Variants in ASB4 observed in about 807,000 individuals in gnomAD.
The protein encoded by ASB4 is ankyrin repeat and SOCS box protein 4.
Under a neutral mutation model 38.6 loss-of-function variants are expected in ASB4, and 35 were observed. The observed-to-expected ratio is 0.91, with a 90% confidence interval of 0.69 to 1.20. The LOEUF is 1.20. Ranked by LOEUF, ASB4 falls within the 50% of genes most tolerant of loss-of-function variation. The pLI is 0.00. For synonymous variants in ASB4, 195 were observed against 201.3 expected (o/e 0.97, Z 0.26); for missense variants, 557 against 527.2 (o/e 1.06, Z -0.55).
chr7:95,490,708 C>G (rs904105272), intron 1 of ASB4, among the ~76,000 whole-genome samples: 2 of 152,250 alleles, frequency 1.3e-5, no homozygotes, highest in Non-Finnish European at 2.9e-5. Flanking sequence ...ATCCCCTCTT[C>G]CAAAAGAAGG....
intron 1 of ASB4, among the ~76,000 whole-genome samples, chr7:95,479,636 T>C (rs1399595226): frequency 6.6e-6 from 1 of 152,192 alleles, no homozygotes; most frequent in East Asian, 1.9e-4. Flanking sequence ...TGATAAAATA[T>C]GCACTTTATT....
intron 2 of ASB4, among the ~76,000 whole-genome samples, chr7:95,497,647 CA>C (rs1425048101): frequency 6.6e-6 from 1 of 152,102 alleles, no homozygotes; most frequent in Non-Finnish European, 1.5e-5. Flanking sequence ...ACTATCATGC[CA>C]ATCATCTTAA....
chr7:95,513,264 T>G (rs181591125), intron 2 of ASB4, among the ~76,000 whole-genome samples: 4,430 of 141,596 alleles, frequency 0.031, 124 homozygotes, highest in Middle Eastern at 0.061. Context: ...TTTTTTTTTT[T>G]TTTTTTTTTT....
intron 2 of ASB4, among the ~76,000 whole-genome samples, chr7:95,500,032 G>T (rs142852084): frequency 6.6e-6 from 1 of 151,680 alleles, no homozygotes; most frequent in Admixed American, 6.6e-5. Context: ...TTTAAGAAGC[G>T]GGACAAAGTA....
At chr7:95,508,932 A>G (rs1054559772) in intron 2 of ASB4, among the ~76,000 whole-genome samples, 2 of 152,186 alleles carry the variant, frequency 1.3e-5, no homozygotes, top group Non-Finnish European at 2.9e-5. Flanking sequence ...TATGTGAATC[A>G]GTGATTTCTG....
chr7:95,543,626 G>A (rs955585343), downstream of ASB4: 1 of 152,218 alleles, frequency 6.6e-6, no homozygotes, highest in Admixed American at 6.5e-5. Flanking sequence ...AGGCCCTGGG[G>A]TTTGGGAGGG....
intron 2 of ASB4, 38 bp from the exon 3 acceptor site, chr7:95,527,775 A>T: frequency 6.5e-7 from 1 of 1,543,990 alleles, no homozygotes; most frequent in South Asian, 1.2e-5. Context: ...ATGACAAAAC[A>T]TGTTTAAATA....
chr7:95,526,071 C>T (rs879653335), intron 2 of ASB4, among the ~76,000 whole-genome samples: 5 of 152,158 alleles, frequency 3.3e-5, no homozygotes, highest in African/African-American at 4.8e-5. Context: ...CTTTCTAGTA[C>T]TTTCTGGTTT....
intron 2 of ASB4, chr7:95,496,270 C>A (rs1462144140): frequency 2.1e-6 from 1 of 470,410 alleles, no homozygotes; most frequent in Non-Finnish European, 3.8e-6. Flanking sequence ...GAAGTTCATT[C>A]ATTTACTCAT....
At chr7:95,540,554 T>C (rs541372737), downstream of ASB4, among the ~76,000 whole-genome samples, 4 of 152,322 alleles carry the variant, frequency 2.6e-5, no homozygotes, top group South Asian at 2.1e-4. Flanking sequence ...TCATTCTCAC[T>C]GTCCACTAAA....
chr7:95,485,869 G>T, upstream of ASB4: 2 of 954,150 alleles, frequency 2.1e-6, no homozygotes, highest in Admixed American at 2.8e-5. Context: ...CATAACTTTG[G>T]GATAAAATTA....
chr7:95,473,556 C>G (rs1018839163), upstream of ASB4: 1 of 152,032 alleles, frequency 6.6e-6, no homozygotes, highest in African/African-American at 2.4e-5. Context: ...GAGGGAAGCA[C>G]GATTGGTCTC....
intron 3 of ASB4, among the ~76,000 whole-genome samples, chr7:95,532,103 A>G (rs982728678): frequency 3.3e-5 from 5 of 152,192 alleles, no homozygotes; most frequent in Admixed American, 6.5e-5. Context: ...AGATGCTTCA[A>G]AGTGATTTAG....
intron 2 of ASB4, among the ~76,000 whole-genome samples, chr7:95,507,613 G>A (rs1266041368): frequency 1.3e-5 from 2 of 152,216 alleles, no homozygotes; most frequent in Admixed American, 6.5e-5. Context: ...AGACTGTTTT[G>A]CTTGGCAGAG....
At chr7:95,489,447 C>A (rs1361940942) in intron 1 of ASB4, among the ~76,000 whole-genome samples, 1 of 152,194 alleles carries the variant, frequency 6.6e-6, no homozygotes, top group Non-Finnish European at 1.5e-5. Flanking sequence ...AGCACCTAAT[C>A]ATGATTCTTA....
intron 2 of ASB4, among the ~76,000 whole-genome samples, chr7:95,517,140 T>C (rs1249288343): frequency 6.6e-6 from 1 of 152,218 alleles, no homozygotes; most frequent in African/African-American, 2.4e-5. Flanking sequence ...TTATTTGGCT[T>C]TTTCTATTGA....
downstream of ASB4, among the ~76,000 whole-genome samples, chr7:95,544,984 A>G (rs1791013194): frequency 6.6e-6 from 1 of 151,742 alleles, no homozygotes; most frequent in Non-Finnish European, 1.5e-5. Context: ...CACTGTGCCC[A>G]GCCAGATATG....
At chr7:95,536,741 A>C (rs1179063844) in intron 4 of ASB4, among the ~76,000 whole-genome samples, 191 bp downstream of exon 4, 1 of 152,156 alleles carries the variant, frequency 6.6e-6, no homozygotes, top group South Asian at 2.1e-4. Flanking sequence ...GGCATTAAGG[A>C]GTGTCTTGGG....
chr7:95,500,701 T>C (rs1790324030), intron 2 of ASB4, among the ~76,000 whole-genome samples: 2 of 151,280 alleles, frequency 1.3e-5, no homozygotes, highest in African/African-American at 4.9e-5. Context: ...CTGTATCCCA[T>C]ATTCTCTGGA....
Sources: gnomAD v4.1 joint callset for allele counts (sites outside exome capture counted in the v4.1 genomes callset) on GRCh38, gnomAD v4.1.1 for gene constraint, MANE v1.5 for transcripts, NCBI Gene and HGNC (gene_info 2026-07-23, HGNC 2026-07-21) for gene names.